Variants in CSMD2 observed in about 807,000 individuals in gnomAD.
The protein encoded by CSMD2 is CUB and sushi domain-containing protein 2.
CSMD2 carries 130 observed loss-of-function variants against 398.5 expected under a neutral mutation model. That is an observed-to-expected ratio of 0.33 (90% CI 0.28 to 0.38). CSMD2 has a LOEUF of 0.38. Among genes scored for constraint, CSMD2 ranks in the 10% least tolerant of loss-of-function variants. The pLI, the probability that CSMD2 is intolerant of heterozygous loss-of-function variation, is 1.00. For missense variants in CSMD2, 3,829 were observed against 4,764.9 expected, an observed-to-expected ratio of 0.80 and a Z score of 5.78; for synonymous variants, 1,828 against 1,908.5, an observed-to-expected ratio of 0.96 and a Z score of 1.10.
chr1:33,619,166 C>T (rs879532906), intron 37 of CSMD2, among the ~76,000 whole-genome samples: 23 of 152,286 alleles, frequency 1.5e-4, no homozygotes, highest in South Asian at 6.2e-4. Flanking sequence ...CATGAGGAGG[C>T]GGAGAGGTAG....
rs543723511 is a variant in CSMD2 at position 33,823,543 on chromosome 1, G to A, written c.1111+2154C>T. ...GGGCCACTATGGCAAGGGAGAAGCC[G>A]CAATGTGCTCAGGAAGGCACCACCT... On this transcript the variant is annotated intron_variant, in intron 7 of 70. Transcript: ENST00000373381. 5.3e-5 allele frequency among the ~76,000 whole-genome samples: 8 copies of A among 152,240 alleles called. No individual in the cohort carries two copies. In the East Asian group the frequency reaches 9.7e-4, roughly 19 times the overall value.
chr1:33,786,385 C>A (rs1292062913), intron 12 of CSMD2, among the ~76,000 whole-genome samples: 2 of 152,164 alleles, frequency 1.3e-5, no homozygotes, highest in Non-Finnish European at 2.9e-5. Context: ...CATCTCCATT[C>A]CCCTTTTCAA....
chr1:33,847,826 G>C (rs577463805), intron 5 of CSMD2, among the ~76,000 whole-genome samples: 2 of 152,086 alleles, frequency 1.3e-5, no homozygotes, highest in East Asian at 1.9e-4. Context: ...TGGGGATCAT[G>C]ATGACCCCTC....
chr1:33,648,287 G>T (rs773431144), intron 28 of CSMD2, among the ~76,000 whole-genome samples: 1 of 151,696 alleles, frequency 6.6e-6, no homozygotes, highest in Non-Finnish European at 1.5e-5. Flanking sequence ...GCATGAACCC[G>T]GGAGGTGGAG....
chr1:34,113,058 T>C (rs559556983), intron 1 of CSMD2: 1 of 152,116 alleles, frequency 6.6e-6, no homozygotes, highest in Non-Finnish European at 1.5e-5. Flanking sequence ...AAGAAGGACA[T>C]GGATGGGAAG....
chr1:33,727,192 G>A (rs1571359692), intron 15 of CSMD2, among the ~76,000 whole-genome samples: 1 of 152,230 alleles, frequency 6.6e-6, no homozygotes, highest in South Asian at 2.1e-4. Context: ...CCAGTATTGA[G>A]CATGGTGCTT....
At position 33,979,096 on chromosome 1, in the gene CSMD2, T is replaced by C. The variant is rs533114773; in HGVS notation, c.518-43142A>G. Among the ~76,000 whole-genome samples, 6 of 152,268 alleles carry C rather than the reference T, an allele frequency of 3.9e-5. No individual in the cohort carries two copies. In the East Asian group the frequency reaches 1.2e-3, roughly 30 times the overall value. ...ACTTGAACTCCACGTTTCTGTTGCT[T>C]TGTGTGCCCATCTGACATGCTCCTG... On this transcript the variant is annotated intron_variant, in intron 3 of 70. Coordinates refer to ENST00000373381, the MANE Select transcript of CSMD2 (RefSeq NM_001281956.2).
intron 25 of CSMD2, among the ~76,000 whole-genome samples, chr1:33,677,786 T>A (rs1332987770): frequency 6.6e-6 from 1 of 151,728 alleles, no homozygotes; most frequent in South Asian, 2.1e-4. Context: ...CCATAAAAAA[T>A]GGTGAGTTCA....
Position 33,538,422 on chromosome 1 carries a change from C to T in CSMD2, c.9632-813G>A, listed in dbSNP as rs115476206. Among the ~76,000 whole-genome samples the T allele has an allele frequency of 3.6e-3, 542 of 152,268 alleles. 3 individuals carry two copies. The highest frequency in any genetic ancestry group is 0.013 in the African/African-American group (531 of 41,530). On this transcript the variant is annotated intron_variant, in intron 60 of 70. Transcript: ENST00000373381. ...TGACTACCAAAGGCAAAGCTCACCA[C>T]GATGTCACTTCAAGCATTGCTTTAT...
rs111625625 is a variant in CSMD2 at position 33,827,802 on chromosome 1, C to T, written c.1034-2028G>A. On this transcript the variant is annotated intron_variant, in intron 6 of 70. Transcript: ENST00000373381. The stretch of plus-strand genomic sequence containing the variant: ...TTTAGGTGACTTGCTGTAAGTCACA[C>T]AGCCAGGAAACAGCTGTGTTCTTCA... Among the ~76,000 whole-genome samples, 7 of 152,318 alleles carry T rather than the reference C, an allele frequency of 4.6e-5. 1 individual carries two copies. The highest frequency in any genetic ancestry group is 1.7e-4 in the African/African-American group (7 of 41,550).
Position 33,646,791 on chromosome 1 carries a change from C to T in CSMD2, c.4631G>A (p.Gly1544Glu). 6.2e-7 allele frequency: 1 copy of T among 1,613,844 alleles called. No homozygotes were observed. Among genetic ancestry groups the T allele is most frequent in the African/African-American group, 1.3e-5 (1 of 75,020 alleles). The change falls in exon 29 of 71, where the codon GGA (glycine) becomes GAA (glutamate). Residue 1544 changes from glycine to glutamate, a missense_variant. Around this residue, in one of 5 missense-constraint regions of CSMD2, gnomAD observed 2,001 missense variants for 2,567.1 expected, o/e 0.78. Coordinates refer to ENST00000373381, the MANE Select transcript of CSMD2 (RefSeq NM_001281956.2). ...PGYDFLHIYD[G>E]RDSLSPLIGS... ...TATGAGAGGGCTGAGAGAGTCCCGT[C>T]CGTCGTAGATATGGAGGAAGTCATA...
intron 6 of CSMD2, among the ~76,000 whole-genome samples, chr1:33,832,871 A>C (rs1163431585): frequency 6.6e-6 from 1 of 152,236 alleles, no homozygotes; most frequent in Admixed American, 6.5e-5. Context: ...TACTACAAAC[A>C]TTTCTACGCA....
intron 6 of CSMD2, among the ~76,000 whole-genome samples, chr1:33,841,134 C>T (rs1218351960): frequency 6.6e-6 from 1 of 152,184 alleles, no homozygotes; most frequent in Non-Finnish European, 1.5e-5. Flanking sequence ...TCTTCCATCT[C>T]TCAGTCAGCA....
At chr1:33,700,205 C>T (rs1223286643) in intron 23 of CSMD2, among the ~76,000 whole-genome samples, 6 of 152,116 alleles carry the variant, frequency 3.9e-5, no homozygotes, top group Non-Finnish European at 7.4e-5. Context: ...GATGGGGTTT[C>T]ACCATCTTGG....
intron 4 of CSMD2, among the ~76,000 whole-genome samples, chr1:33,919,324 G>C (rs1176267023): frequency 6.6e-6 from 1 of 152,210 alleles, no homozygotes; most frequent in East Asian, 1.9e-4. Flanking sequence ...CAGGAGTTCA[G>C]TTTTGGACAC....
At chr1:33,971,961 T>C (rs986037889) in intron 3 of CSMD2, among the ~76,000 whole-genome samples, 1 of 152,158 alleles carries the variant, frequency 6.6e-6, no homozygotes, top group Non-Finnish European at 1.5e-5. Context: ...ACTTATAATA[T>C]TGATATTTCC....
intron 3 of CSMD2, among the ~76,000 whole-genome samples, chr1:34,028,924 C>A (rs937413192): frequency 5.3e-5 from 8 of 152,186 alleles, no homozygotes; most frequent in Non-Finnish European, 8.8e-5. Flanking sequence ...TGGGCTGACA[C>A]TCATCACCTG....
At chr1:34,068,560 C>T (rs1042063943) in intron 2 of CSMD2, among the ~76,000 whole-genome samples, 1 of 152,160 alleles carries the variant, frequency 6.6e-6, no homozygotes, top group African/African-American at 2.4e-5. Flanking sequence ...ACAGATAATT[C>T]TGTAGCCTGT....
intron 3 of CSMD2, among the ~76,000 whole-genome samples, chr1:33,972,359 G>A (rs1316398073): frequency 6.6e-6 from 1 of 152,104 alleles, no homozygotes; most frequent in East Asian, 1.9e-4. Context: ...CACTGTGGCA[G>A]GCTTAATAAT....
Sources: gnomAD v4.1 joint callset for allele counts (sites outside exome capture counted in the v4.1 genomes callset) on GRCh38, gnomAD v4.1.1 for gene constraint, gnomAD v4.1.1 regional missense constraint, MANE v1.5 for transcripts, NCBI Gene and HGNC (gene_info 2026-07-23, HGNC 2026-07-21) for gene names.